RAB3IP: variants seen among roughly 807,000 people sequenced by gnomAD.
The protein encoded by RAB3IP is rab-3A-interacting protein.
A neutral mutation model predicts 59.1 loss-of-function variants in RAB3IP; 36 were observed. The observed-to-expected ratio is 0.61, with a 90% confidence interval of 0.47 to 0.80. The LOEUF is 0.80. RAB3IP is among the 30% of genes least tolerant of loss of function. The pLI, the probability that RAB3IP is intolerant of heterozygous loss-of-function variation, is 0.00. For synonymous variants in RAB3IP, 207 were observed against 191.2 expected (o/e 1.08, Z -0.68); for missense variants, 511 against 536.0 (o/e 0.95, Z 0.46).
At chr12:69,800,396 C>G in intron 7 of RAB3IP, 59 bp downstream of exon 7, 1 of 1,049,024 alleles carries the variant, frequency 9.5e-7, no homozygotes, top group Non-Finnish European at 1.3e-6. Flanking sequence ...TTCTTTTAAA[C>G]TAAATCATAT....
At chr12:69,787,141 TG>T (rs1371923082) in intron 4 of RAB3IP, among the ~76,000 whole-genome samples, 1 of 152,172 alleles carries the variant, frequency 6.6e-6, no homozygotes, top group Admixed American at 6.5e-5. Context: ...TGCACAGTTT[TG>T]GTAAGTCTGA....
At chr12:69,805,995 G>A (rs1879201156) in intron 8 of RAB3IP, among the ~76,000 whole-genome samples, 1 of 152,148 alleles carries the variant, frequency 6.6e-6, no homozygotes, top group African/African-American at 2.4e-5. Flanking sequence ...TTGGTATCAG[G>A]ATGATGCTGG....
intron 3 of RAB3IP, among the ~76,000 whole-genome samples, chr12:69,757,475 T>G (rs1870413794): frequency 6.6e-6 from 1 of 152,190 alleles, no homozygotes; most frequent in Non-Finnish European, 1.5e-5. Context: ...GATTTATCAG[T>G]AGCAGGAGTG....
At chr12:69,780,781 C>T (rs1181193536) in intron 3 of RAB3IP, among the ~76,000 whole-genome samples, 1 of 151,920 alleles carries the variant, frequency 6.6e-6, no homozygotes, top group African/African-American at 2.4e-5. Context: ...GCTGCCTAGG[C>T]ACTAGTGTGC....
intron 3 of RAB3IP, among the ~76,000 whole-genome samples, chr12:69,766,014 G>A (rs996786450): frequency 3.9e-5 from 6 of 152,332 alleles, no homozygotes; most frequent in South Asian, 2.1e-4. Flanking sequence ...GAAGTCCAAA[G>A]CCTGGTATGG....
intron 8 of RAB3IP, among the ~76,000 whole-genome samples, chr12:69,809,886 T>C (rs938239156): frequency 6.6e-6 from 1 of 152,172 alleles, no homozygotes; most frequent in Non-Finnish European, 1.5e-5. Flanking sequence ...CTGAAGCCTT[T>C]CTCTCTCAAC....
At chr12:69,740,531 T>G (rs1887223772) in intron 1 of RAB3IP, among the ~76,000 whole-genome samples, 1 of 152,230 alleles carries the variant, frequency 6.6e-6, no homozygotes. Context: ...ACCAAAGTGT[T>G]TGATACAACT....
At chr12:69,765,611 G>T (rs1872066764) in intron 3 of RAB3IP, among the ~76,000 whole-genome samples, 1 of 152,142 alleles carries the variant, frequency 6.6e-6, no homozygotes, top group African/African-American at 2.4e-5. Flanking sequence ...GTGTGACCAG[G>T]AGGTCTGCCT....
chr12:69,771,056 T>G (rs1695083864), intron 3 of RAB3IP, among the ~76,000 whole-genome samples: 1 of 152,210 alleles, frequency 6.6e-6, no homozygotes, highest in South Asian at 2.1e-4. Flanking sequence ...TCTGCTCTAC[T>G]TCTATGAGAT....
chr12:69,803,995 G>A (rs1357353099), intron 8 of RAB3IP, among the ~76,000 whole-genome samples: 1 of 152,044 alleles, frequency 6.6e-6, no homozygotes, highest in African/African-American at 2.4e-5. Context: ...ATGATTTATA[G>A]TCCTTTGGGT....
chr12:69,766,562 C>T (rs1872236019), intron 3 of RAB3IP, among the ~76,000 whole-genome samples: 1 of 151,746 alleles, frequency 6.6e-6, no homozygotes, highest in Non-Finnish European at 1.5e-5. Context: ...CTCTTGTCAC[C>T]CAGGCTGGAG....
chr12:69,780,838 G>A (rs919226408), intron 3 of RAB3IP, among the ~76,000 whole-genome samples: 4 of 151,966 alleles, frequency 2.6e-5, no homozygotes, highest in Non-Finnish European at 5.9e-5. Context: ...ATTTTGGAAG[G>A]TTTGATTTTT....
At chr12:69,768,008 A>G (rs1872505908) in intron 3 of RAB3IP, among the ~76,000 whole-genome samples, 1 of 152,142 alleles carries the variant, frequency 6.6e-6, no homozygotes, top group Non-Finnish European at 1.5e-5. Context: ...CATTTAACAG[A>G]AAGGGAACCC....
chr12:69,767,591 A>G (rs1280388311), intron 3 of RAB3IP, among the ~76,000 whole-genome samples: 1 of 152,228 alleles, frequency 6.6e-6, no homozygotes, highest in African/African-American at 2.4e-5. Flanking sequence ...AGTTCTCTGC[A>G]TGGGAGTCGG....
At chr12:69,765,400 T>C (rs1872031533) in intron 3 of RAB3IP, among the ~76,000 whole-genome samples, 1 of 152,228 alleles carries the variant, frequency 6.6e-6, no homozygotes, top group African/African-American at 2.4e-5. Flanking sequence ...GATGATCGTA[T>C]GGCTTTTGTT....
chr12:69,739,714 C>T (rs536538484), intron 1 of RAB3IP: 15 of 866,986 alleles, frequency 1.7e-5, no homozygotes, highest in East Asian at 1.0e-4. Flanking sequence ...ACGAACTGCA[C>T]GGGTGGGATT....
intron 1 of RAB3IP, among the ~76,000 whole-genome samples, chr12:69,747,289 C>T (rs1216639996): frequency 2.1e-5 from 3 of 143,290 alleles, no homozygotes; most frequent in Non-Finnish European, 4.5e-5. Context: ...TCCCCTTGCC[C>T]TTTCGTGTGT....
chr12:69,815,977 A>G lies in RAB3IP; in HGVS notation c.*531A>G, dbSNP rs1157139893. 3 of 152,776 alleles carry G rather than the reference A, an allele frequency of 2.0e-5. No homozygotes were observed. Among genetic ancestry groups the G allele is most frequent in the African/African-American group, 4.8e-5 (2 of 41,590 alleles). The allele number at this position is 152,776 out of a possible 1,614,324, so 9.5% of individuals were successfully genotyped here. The stretch of plus-strand genomic sequence containing the variant: ...GCTGCTACAAAGTTTGAAAGTTACT[A>G]TTTTAATTATTCTGCTCTCTGTAAC... On this transcript the variant is annotated 3_prime_UTR_variant, in exon 11 of 11. Coordinates refer to ENST00000247833, the MANE Select transcript of RAB3IP (RefSeq NM_022456.5).
At chr12:69,810,660 G>A (rs924423844) in intron 8 of RAB3IP, among the ~76,000 whole-genome samples, 8 of 148,944 alleles carry the variant, frequency 5.4e-5, no homozygotes, top group African/African-American at 2.0e-4. Context: ...GGGAAGATGT[G>A]ACATTTTAAG....
Sources: gnomAD v4.1 joint callset for allele counts (sites outside exome capture counted in the v4.1 genomes callset) on GRCh38, gnomAD v4.1.1 for gene constraint, MANE v1.5 for transcripts, NCBI Gene and HGNC (gene_info 2026-07-23, HGNC 2026-07-21) for gene names.